SCN8A: variants seen among roughly 807,000 people sequenced by gnomAD.
SCN8A encodes the protein sodium channel protein type 8 subunit alpha.
SCN8A carries 30 observed loss-of-function variants against 184.1 expected under a neutral mutation model. That is an observed-to-expected ratio of 0.16 (90% CI 0.12 to 0.22). The LOEUF (loss-of-function observed/expected upper bound fraction) is 0.22, where lower values mean the gene tolerates loss of function less well. Among genes scored for constraint, SCN8A ranks in the 10% least tolerant of loss-of-function variants. The pLI, the probability that SCN8A is intolerant of heterozygous loss-of-function variation, is 1.00. For synonymous variants in SCN8A, 852 were observed against 907.0 expected, an observed-to-expected ratio of 0.94 and a Z score of 1.09; for missense variants, 1,057 against 2,498.9, an observed-to-expected ratio of 0.42 and a Z score of 12.30.
chr12:51,788,796 G>A (rs772881952), intron 23 of SCN8A, 48 bp downstream of exon 23: 7 of 1,555,866 alleles, frequency 4.5e-6, no homozygotes, highest in Non-Finnish European at 5.3e-6. Flanking sequence ...TGGCTGGAAA[G>A]CAAGCAGCAT....
At chr12:51,716,369 A>C (rs753974573) in intron 11 of SCN8A, among the ~76,000 whole-genome samples, 3 of 152,172 alleles carry the variant, frequency 2.0e-5, no homozygotes, top group Non-Finnish European at 4.4e-5. Context: ...ACAATAAAAA[A>C]TAAAGTAGAG....
intron 9 of SCN8A, 81 bp from the exon 10 acceptor site, chr12:51,705,336 C>A: frequency 7.6e-7 from 1 of 1,318,008 alleles, no homozygotes; most frequent in Non-Finnish European, 1.1e-6. Flanking sequence ...AGTGCCCTTA[C>A]AGAGGAACTT....
chr12:51,662,853 T>C lies in SCN8A; in HGVS notation c.36T>C (p.Asp12=), dbSNP rs1185519570. The C allele has an allele frequency of 1.4e-5, 22 of 1,613,942 alleles. No individual in the cohort carries two copies. Among genetic ancestry groups the C allele is most frequent in the Non-Finnish European group, 1.8e-5 (21 of 1,179,884 alleles). Residue 12 remains aspartate (D), a synonymous_variant, in exon 2 of 27, where the codon GAT becomes GAC. Transcript: ENST00000627620. ...GGCTGCTTGCACCACCAGGCCCTGA[T>C]AGTTTCAAGCCTTTCACCCCTGAGT... The part of the protein sequence containing the change: ...AARLLAPPGP[D]SFKPFTPESL...
At chr12:51,791,770 G>A (rs73299761) in intron 25 of SCN8A, among the ~76,000 whole-genome samples, 4,626 of 152,194 alleles carry the variant, frequency 0.03, 250 homozygotes, top group African/African-American at 0.11. Flanking sequence ...TCCTCACTAC[G>A]TAGGAGGCTG....
In SCN8A at chr12:51,617,323, C is replaced by A. The variant is rs79389681; in HGVS notation, c.-55+25964C>A. On this transcript the variant is annotated intron_variant, in intron 1 of 26. Transcript: ENST00000627620. ...CTAATTTTTTTCTCTCTCTCTTGTT[C>A]AGCTTGGATAATTTGTGTATTTTCA... 9.8e-3 allele frequency among the ~76,000 whole-genome samples: 1,486 copies of A among 151,936 alleles called. 24 individuals carry two copies. Among genetic ancestry groups the A allele is most frequent in the African/African-American group, 0.034 (1,420 of 41,452 alleles).
At position 51,680,728 on chromosome 12, in the gene SCN8A, G is replaced by A. The variant is rs146664612; in HGVS notation, c.277-3446G>A. On this transcript the variant is annotated intron_variant, in intron 2 of 26. Transcript: ENST00000627620. The stretch of plus-strand genomic sequence containing the variant: ...ATTACTTTAAAAAATCCTGCCAGGC[G>A]CGGTGACTCACGCCTTTAATCCCAG... Among the ~76,000 whole-genome samples the A allele has an allele frequency of 2.1e-3, 323 of 152,250 alleles. 1 individual carries two copies. Among genetic ancestry groups the A allele is most frequent in the African/African-American group, 7.6e-3 (314 of 41,544 alleles).
Position 51,746,014 on chromosome 12 carries a change from G to C in SCN8A, c.2110G>C (p.Val704Leu), listed in dbSNP as rs1316992880. Residue 704 changes from valine (V) to leucine (L), a missense_variant, in exon 13 of 27, where the codon GTT becomes CTT. This residue lies in a region of SCN8A where 322 missense variants were observed against 390.1 expected (regional missense o/e 0.83). Coordinates refer to ENST00000627620, the MANE Select transcript of SCN8A (RefSeq NM_001330260.2). The part of the protein sequence containing the change: ...KDRINSIMSV[V>L]TNTLVEELEE... ...CAGAATCAACAGTATAATGAGTGTT[G>C]TTACAAATACACTAGTAGAAGGTAT... The C allele has an allele frequency of 1.9e-6, 3 of 1,608,832 alleles. No homozygotes were observed. The highest frequency in any genetic ancestry group is 2.5e-6 in the Non-Finnish European group (3 of 1,177,756).
intron 12 of SCN8A, among the ~76,000 whole-genome samples, chr12:51,736,490 G>A (rs1368631693): frequency 6.6e-6 from 1 of 152,216 alleles, no homozygotes; most frequent in Non-Finnish European, 1.5e-5. Flanking sequence ...GGGCATCACT[G>A]GATAATAGCT....
chr12:51,688,561 C>G (rs1941456713), intron 5 of SCN8A, among the ~76,000 whole-genome samples: 1 of 152,054 alleles, frequency 6.6e-6, no homozygotes, highest in Admixed American at 6.6e-5. Context: ...ATCCCAAAAA[C>G]CTCCTTTCTA....
intron 13 of SCN8A, among the ~76,000 whole-genome samples, chr12:51,748,920 T>G (rs1368633541): frequency 6.6e-6 from 1 of 152,222 alleles, no homozygotes; most frequent in African/African-American, 2.4e-5. Context: ...GCCACTATCT[T>G]GGTGAAATTG....
chr12:51,626,090 G>A (rs184696740), intron 1 of SCN8A, among the ~76,000 whole-genome samples: 2 of 152,322 alleles, frequency 1.3e-5, no homozygotes, highest in East Asian at 1.9e-4. Flanking sequence ...GGAAAGCATG[G>A]TCCAGAGCTC....
intron 11 of SCN8A, among the ~76,000 whole-genome samples, chr12:51,721,157 GATA>G (rs1185866753): frequency 1.5e-5 from 2 of 131,200 alleles, no homozygotes; most frequent in Admixed American, 1.6e-4. Context: ...TTATATATAT[GATA>G]ATAAATAAAT....
At chr12:51,805,616 C>T (rs1377021606) in intron 26 of SCN8A, among the ~76,000 whole-genome samples, 6 of 151,908 alleles carry the variant, frequency 3.9e-5, no homozygotes, top group East Asian at 3.9e-4. Flanking sequence ...AAAATGCTAG[C>T]CTCTATTAAA....
At chr12:51,787,753 C>T (rs1315084743) in intron 22 of SCN8A, among the ~76,000 whole-genome samples, 1 of 152,200 alleles carries the variant, frequency 6.6e-6, no homozygotes, top group Non-Finnish European at 1.5e-5. Context: ...ATGAAGCTCT[C>T]AACCTAACCT....
intron 6 of SCN8A, among the ~76,000 whole-genome samples, chr12:51,696,868 T>TAA (rs113239134): frequency 1.4e-5 from 2 of 142,804 alleles, no homozygotes; most frequent in Admixed American, 7.0e-5. Flanking sequence ...CCATCTCTGC[T>TAA]AAAAAAAAAA....
At position 51,706,508 on chromosome 12, in the gene SCN8A, C is replaced by A; in HGVS notation, c.1428C>A (p.Ser476Arg). The change falls in exon 11 of 27, where the codon AGC becomes AGA. Residue 476 changes from serine to arginine, a missense_variant. Ser to Arg is a moderately radical substitution (Grantham distance 110). This residue lies in a region of SCN8A where 322 missense variants were observed against 390.1 expected (regional missense o/e 0.83). Transcript: ENST00000627620. ...AAGAAGGAGGGGGCTCCCCTCGGAGCTCTTCTGAAATCTCTAAACTCAGCT... is the reference window on the plus strand; with the variant it reads ...AAGAAGGAGGGGGCTCCCCTCGGAGATCTTCTGAAATCTCTAAACTCAGCT... The part of the protein sequence containing the change: ...EGEEGGGSPR[S>R]SSEISKLSSK... The A allele has an allele frequency of 6.2e-7, 1 of 1,605,262 alleles. No individual in the cohort carries two copies. Among genetic ancestry groups the A allele is most frequent in the Non-Finnish European group, 8.5e-7 (1 of 1,175,890 alleles).
chr12:51,770,573 G>A lies in SCN8A; in HGVS notation c.3535G>A (p.Gly1179Arg), dbSNP rs765764478. 6.2e-7 allele frequency: 1 copy of A among 1,613,714 alleles called. No individual in the cohort carries two copies. Among genetic ancestry groups the A allele is most frequent in the Admixed American group, 1.7e-5 (1 of 60,000 alleles). ...GTGCTGCCAGGTCAACATCGAGGAA[G>A]GGCTAGGCAAGTCTTGGTGGATCCT... ...FKCCQVNIEE[G>R]LGKSWWILRK... is the part of the protein sequence containing the mutation. The change falls in exon 19 of 27, where the codon GGG becomes AGG. Residue 1179 changes from glycine (G) to arginine (R), a missense_variant. Gly to Arg is a moderately radical substitution (Grantham distance 125). Transcript: ENST00000627620.
chr12:51,806,964 C>T lies in SCN8A; in HGVS notation c.5478C>T (p.Thr1826=). The T allele has an allele frequency of 1.2e-6, 2 of 1,613,990 alleles. No homozygotes were observed. Among genetic ancestry groups the T allele is most frequent in the South Asian group, 1.1e-5 (1 of 91,086 alleles). ...EHPLRVPKPN[T]IELIAMDLPM... is the part of the protein sequence containing the mutation. ...CTCTCCGAGTGCCCAAGCCCAATAC[C>T]ATTGAGCTCATCGCTATGGATCTGC... The change falls in exon 27 of 27, where the codon ACC becomes ACT. Residue 1826 remains threonine (T), a synonymous_variant. Transcript: ENST00000627620. This position sits in a 1 kb window ranked among gnomAD's most constrained non-coding sequence, Gnocchi z 8.7.
intron 2 of SCN8A, among the ~76,000 whole-genome samples, chr12:51,683,249 G>A (rs974808220): frequency 3.3e-5 from 5 of 152,176 alleles, no homozygotes; most frequent in African/African-American, 1.2e-4. Flanking sequence ...GCTTGGCACA[G>A]AATAGATGCT....
Sources: allele counts gnomAD v4.1 joint callset (sites outside exome capture counted in the v4.1 genomes callset), GRCh38; gene constraint gnomAD v4.1.1; regional missense constraint gnomAD v4.1.1; non-coding constraint Gnocchi (gnomAD v3.1); transcripts MANE v1.5; gene names NCBI Gene and HGNC (gene_info 2026-07-23, HGNC 2026-07-21).